CAMK2D: variants seen among roughly 807,000 people sequenced by gnomAD.
CAMK2D encodes calcium/calmodulin-dependent protein kinase type II subunit delta.
CAMK2D carries 37 observed loss-of-function variants against 84.0 expected under a neutral mutation model. The observed-to-expected ratio is 0.44, with a 90% CI of 0.34 to 0.58. CAMK2D has a LOEUF of 0.58. CAMK2D is among the 20% of genes least tolerant of loss of function. The pLI, the probability that CAMK2D is intolerant of heterozygous loss-of-function variation, is 0.02. For missense variants in CAMK2D, 448 were observed against 652.5 expected (o/e 0.69, Z 3.41); for synonymous variants, 202 against 212.5 (o/e 0.95, Z 0.43).
Position 113,635,161 on chromosome 4 carries a change from T to G in CAMK2D, c.221-25955A>C, listed in dbSNP as rs557934118. On this transcript the variant is annotated intron_variant, in intron 3 of 20. Coordinates refer to ENST00000511664, the MANE Select transcript of CAMK2D (RefSeq NM_001321571.2). ...TACAATCTGACCTATGAGAAAGAAA[T>G]AATCAAAATCATTCTTTCCTTTGAT... Among the ~76,000 whole-genome samples, 15 of 152,282 alleles carry G rather than the reference T, an allele frequency of 9.9e-5. No individual in the cohort carries two copies. In the South Asian group the frequency reaches 3.1e-3, roughly 32 times the overall value.
chr4:113,499,354 T>C (rs2097995810), intron 16 of CAMK2D, among the ~76,000 whole-genome samples: 1 of 152,144 alleles, frequency 6.6e-6, no homozygotes, highest in South Asian at 2.1e-4. Flanking sequence ...TGCTTAGTTA[T>C]ATAAATAGAG....
chr4:113,509,824 C>T lies in CAMK2D; in HGVS notation c.947-149G>A, dbSNP rs552301577. 271 of 631,190 alleles carry T rather than the reference C, an allele frequency of 4.3e-4. 3 individuals carry two copies. The Middle Eastern group carries it at 5.8e-3, about 14-fold the overall frequency. The allele number at this position is 631,190 out of a possible 1,614,324, so 39.1% of individuals were successfully genotyped here. A position where few individuals can be genotyped will look rare whatever the true frequency, so the allele number is the denominator to read the frequency against. On this transcript the variant is annotated intron_variant, in intron 12 of 20. Transcript: ENST00000511664. ...GTTATCAAAGTCACACTGATGAACG[C>T]GAGCTTACAGGACATTGAAATACAG...
intron 4 of CAMK2D, among the ~76,000 whole-genome samples, chr4:113,578,947 A>C (rs1025673031): frequency 6.7e-6 from 1 of 148,904 alleles, no homozygotes; most frequent in African/African-American, 2.5e-5. Flanking sequence ...ATGACAAACA[A>C]TTAAAAAATA....
chr4:113,466,059 C>G (rs1349108754), intron 16 of CAMK2D, among the ~76,000 whole-genome samples: 1 of 151,836 alleles, frequency 6.6e-6, no homozygotes, highest in Non-Finnish European at 1.5e-5. Flanking sequence ...CAAGACCAGC[C>G]TGACCCACAC....
chr4:113,705,930 T>TGGGG (rs2099451557), intron 2 of CAMK2D, among the ~76,000 whole-genome samples: 2 of 152,156 alleles, frequency 1.3e-5, no homozygotes, highest in Admixed American at 1.3e-4. Flanking sequence ...CAAAAACCTG[T>TGGGG]AACACCATAT....
rs968731891 is a variant in CAMK2D, at chr4:113,465,676, A to C, written c.1136-72T>G. ...ATATTAAATATTCTTTTTCATTTTT[A>C]ATTTTTGAGATAGGGTCTCACTCTG... On this transcript the variant is annotated intron_variant, in intron 16 of 20. Coordinates refer to ENST00000511664, the MANE Select transcript of CAMK2D (RefSeq NM_001321571.2). 11 of 942,974 alleles carry C rather than the reference A, an allele frequency of 1.2e-5. No homozygotes were observed. The African/African-American group carries it at 1.8e-4, about 16-fold the overall frequency. 58.4% of individuals were successfully genotyped at this position (942,974 alleles called of 1,614,324 possible).
chr4:113,683,779 C>A (rs547221846), intron 2 of CAMK2D, among the ~76,000 whole-genome samples: 1 of 152,276 alleles, frequency 6.6e-6, no homozygotes. Context: ...AAAAAGCTAA[C>A]AAATTAATCC....
chr4:113,535,650 A>C (rs950300349), intron 7 of CAMK2D, among the ~76,000 whole-genome samples: 5 of 152,184 alleles, frequency 3.3e-5, no homozygotes, highest in African/African-American at 1.2e-4. Context: ...TAATAGAAAA[A>C]ATAGTTTCAT....
intron 3 of CAMK2D, among the ~76,000 whole-genome samples, chr4:113,634,536 G>A (rs192413960): frequency 6.6e-6 from 1 of 152,288 alleles, no homozygotes; most frequent in Admixed American, 6.5e-5. Flanking sequence ...AGAGTCCAAT[G>A]CTGGCAGTCA....
At chr4:113,555,271 T>G (rs1259447760) in intron 4 of CAMK2D, among the ~76,000 whole-genome samples, 1 of 152,094 alleles carries the variant, frequency 6.6e-6, no homozygotes, top group African/African-American at 2.4e-5. Context: ...TAGCACTGAC[T>G]TGGAGATTAA....
chr4:113,602,067 C>A (rs2098955632), intron 4 of CAMK2D, among the ~76,000 whole-genome samples: 1 of 151,914 alleles, frequency 6.6e-6, no homozygotes, highest in African/African-American at 2.4e-5. Context: ...AAAGTATTTT[C>A]AAAGGGATTA....
intron 16 of CAMK2D, among the ~76,000 whole-genome samples, chr4:113,472,735 G>C (rs1207635110): frequency 6.6e-6 from 1 of 152,166 alleles, no homozygotes; most frequent in Non-Finnish European, 1.5e-5. Flanking sequence ...AAATCTTTTA[G>C]TGAATTGTGC....
rs1230145067 is a variant in CAMK2D, at chr4:113,493,069, A to G, written c.1135+7394T>C. ...GTGAGATGGGTTTCCTGAATACAGC[A>G]CACTGATGGGTCTTGACTCTTTATC... On this transcript the variant is annotated intron_variant, in intron 16 of 20. Coordinates refer to ENST00000511664, the MANE Select transcript of CAMK2D (RefSeq NM_001321571.2). Among the ~76,000 whole-genome samples, 4 of 138,184 alleles carry G rather than the reference A, an allele frequency of 2.9e-5. No homozygotes were observed. In the Admixed American group the frequency reaches 2.9e-4, roughly 10 times the overall value. 90.7% of individuals were successfully genotyped at this position (138,184 alleles called of 152,430 possible). A position where few individuals can be genotyped will look rare whatever the true frequency, so the allele number is the denominator to read the frequency against.
chr4:113,468,206 C>T (rs770042577), intron 16 of CAMK2D, among the ~76,000 whole-genome samples: 2 of 152,124 alleles, frequency 1.3e-5, no homozygotes, highest in African/African-American at 4.8e-5. Flanking sequence ...TGTGGAAATA[C>T]GCATTCACTC....
At chr4:113,707,596 T>C (rs1041411093) in intron 2 of CAMK2D, among the ~76,000 whole-genome samples, 5 of 152,182 alleles carry the variant, frequency 3.3e-5, no homozygotes. Flanking sequence ...GTGAGAACTA[T>C]AATCTGATTT....
At chr4:113,677,133 T>C (rs1057395755) in intron 2 of CAMK2D, among the ~76,000 whole-genome samples, 3 of 152,218 alleles carry the variant, frequency 2.0e-5, no homozygotes, top group African/African-American at 7.2e-5. Flanking sequence ...TGTCTGTCTA[T>C]TCATTCTTTA....
At chr4:113,591,778 ATGT>A (rs961174879) in intron 4 of CAMK2D, among the ~76,000 whole-genome samples, 1 of 152,102 alleles carries the variant, frequency 6.6e-6, no homozygotes, top group African/African-American at 2.4e-5. Flanking sequence ...GCCTTTGCAC[ATGT>A]TGTTCTTCTT....
At chr4:113,699,968 T>C (rs2099413152) in intron 2 of CAMK2D, among the ~76,000 whole-genome samples, 1 of 152,220 alleles carries the variant, frequency 6.6e-6, no homozygotes, top group African/African-American at 2.4e-5. Flanking sequence ...AATGACTATG[T>C]ACTTAAGCAT....
intron 3 of CAMK2D, among the ~76,000 whole-genome samples, chr4:113,648,750 G>A (rs2099161389): frequency 1.3e-5 from 2 of 152,296 alleles, no homozygotes; most frequent in East Asian, 1.9e-4. Flanking sequence ...GTCTAAGAAA[G>A]ATGATCACAG....
Sources: gnomAD v4.1 joint callset for allele counts (sites outside exome capture counted in the v4.1 genomes callset) on GRCh38, gnomAD v4.1.1 for gene constraint, MANE v1.5 for transcripts, NCBI Gene and HGNC (gene_info 2026-07-23, HGNC 2026-07-21) for gene names.